The following CCDC7 variants were observed in gnomAD, a reference collection of about 807,000 sequenced individuals.
CCDC7 encodes the protein coiled-coil domain containing 7.
CCDC7 carries 183 observed loss-of-function variants against 196.9 expected under a neutral mutation model. That is an observed-to-expected ratio of 0.93 (90% CI 0.82 to 1.05). CCDC7 has a LOEUF of 1.05. Among genes scored for constraint, CCDC7 ranks in the 50% least tolerant of loss-of-function variants. CCDC7 has a pLI of 0.00. For missense variants in CCDC7, 1,540 were observed against 1,482.2 expected, an observed-to-expected ratio of 1.04 and a Z score of -0.64; for synonymous variants, 525 against 484.6, an observed-to-expected ratio of 1.08 and a Z score of -1.10.
intron 3 of CCDC7, among the ~76,000 whole-genome samples, chr10:32,461,860 C>T (rs2035824007): frequency 6.6e-6 from 1 of 150,940 alleles, no homozygotes; most frequent in African/African-American, 2.4e-5. Flanking sequence ...CAACCTCCGC[C>T]TCCCGGGTTC....
chr10:32,779,128 G>T, intron 29 of CCDC7, 44 bp downstream of exon 30: 1 of 1,359,430 alleles, frequency 7.4e-7, no homozygotes, highest in Non-Finnish European at 1.0e-6. Context: ...CACAATCTAA[G>T]AATTAAAATA....
chr10:32,585,352 C>T (rs919653117), intron 18 of CCDC7, among the ~76,000 whole-genome samples: 7 of 152,258 alleles, frequency 4.6e-5, no homozygotes, highest in South Asian at 4.2e-4. Flanking sequence ...GGATTACAGG[C>T]GTGAGCCACC....
chr10:32,759,778 A>G (rs1257059476), intron 28 of CCDC7, among the ~76,000 whole-genome samples: 3 of 152,230 alleles, frequency 2.0e-5, no homozygotes, highest in Non-Finnish European at 4.4e-5. Flanking sequence ...TCTGCACAGC[A>G]AAAGAAACTA....
chr10:32,847,837 T>C, exon 38 of CCDC7: 1 of 1,603,104 alleles, frequency 6.2e-7, no homozygotes, highest in Non-Finnish European at 8.5e-7. Flanking sequence ...CTATAGAGAC[T>C]GATGTAGAAC....
At chr10:32,815,864 G>A (rs967834091) in intron 31 of CCDC7, among the ~76,000 whole-genome samples, 24 of 152,292 alleles carry the variant, frequency 1.6e-4, no homozygotes, top group African/African-American at 3.1e-4. Context: ...CTGAAAGAGC[G>A]GTGGAGCCAA....
intron 20 of CCDC7, among the ~76,000 whole-genome samples, chr10:32,635,971 C>T (rs2065567342): frequency 6.6e-6 from 1 of 152,040 alleles, no homozygotes; most frequent in Non-Finnish European, 1.5e-5. Context: ...TGCCCTATTA[C>T]TTAATATCAT....
intron 28 of CCDC7, among the ~76,000 whole-genome samples, chr10:32,739,627 C>T (rs1399611551): frequency 2.0e-5 from 3 of 151,324 alleles, no homozygotes; most frequent in Admixed American, 2.0e-4. Context: ...GTTTGATGCT[C>T]ATGCTTAAAC....
At chr10:32,715,251 CA>C (rs992729274) in intron 25 of CCDC7, among the ~76,000 whole-genome samples, 13 of 152,204 alleles carry the variant, frequency 8.5e-5, no homozygotes, top group African/African-American at 2.9e-4. Flanking sequence ...GATACCCAGG[CA>C]AACAGGGTAT....
At chr10:32,514,193 G>T (rs1447845375) in intron 9 of CCDC7, 2 of 152,092 alleles carry the variant, frequency 1.3e-5, no homozygotes, top group Non-Finnish European at 2.9e-5. Context: ...AGCTGTTATG[G>T]GTTGAATTGT....
At chr10:32,453,007 A>C (rs772370289) in intron 1 of CCDC7, among the ~76,000 whole-genome samples, 21 of 152,174 alleles carry the variant, frequency 1.4e-4, no homozygotes, top group Non-Finnish European at 2.6e-4. Context: ...AACTCTCTTC[A>C]GAGGAGAAAG....
At chr10:32,590,266 C>A (rs117817425) in intron 18 of CCDC7, among the ~76,000 whole-genome samples, 13,020 of 151,982 alleles carry the variant, frequency 0.086, 875 homozygotes, top group South Asian at 0.25. Context: ...ATGAGGCTTG[C>A]AAATCATATA....
At chr10:32,864,319 A>C (rs1412777275) in intron 41 of CCDC7, among the ~76,000 whole-genome samples, 1 of 151,746 alleles carries the variant, frequency 6.6e-6, no homozygotes, top group East Asian at 1.9e-4. Context: ...CTTTTTCAAA[A>C]CCGTAAAAAT....
intron 16 of CCDC7, among the ~76,000 whole-genome samples, chr10:32,574,728 A>C (rs887603234): frequency 1.3e-5 from 2 of 152,144 alleles, no homozygotes; most frequent in African/African-American, 4.8e-5. Context: ...ATGTGAACTA[A>C]TTCATGGTGT....
chr10:32,760,224 A>G (rs2133820925), intron 28 of CCDC7, among the ~76,000 whole-genome samples: 1 of 152,158 alleles, frequency 6.6e-6, no homozygotes, highest in African/African-American at 2.4e-5. Flanking sequence ...ATACCATTTG[A>G]CCCAGCCATC....
At chr10:32,585,117 A>G (rs1242075002) in intron 18 of CCDC7, among the ~76,000 whole-genome samples, 1 of 150,924 alleles carries the variant, frequency 6.6e-6, no homozygotes, top group African/African-American at 2.4e-5. Context: ...TCTGTCGCCC[A>G]GGCTGTAGTG....
chr10:32,496,665 T>C (rs1306962311), intron 9 of CCDC7, among the ~76,000 whole-genome samples: 1 of 152,222 alleles, frequency 6.6e-6, no homozygotes, highest in Non-Finnish European at 1.5e-5. Context: ...GTTTTTGTCA[T>C]TGGTTCTGTT....
At chr10:32,476,521 CTT>C (rs998688913) in intron 8 of CCDC7, among the ~76,000 whole-genome samples, 2 of 152,158 alleles carry the variant, frequency 1.3e-5, no homozygotes, top group Non-Finnish European at 2.9e-5. Flanking sequence ...ACTATCAACA[CTT>C]TTGTTCAGGT....
chr10:32,456,255 G>T, exon 3 of CCDC7: 2 of 1,544,608 alleles, frequency 1.3e-6, no homozygotes, highest in Non-Finnish European at 1.8e-6. Context: ...CAAAAGGTTG[G>T]GGATGATATG....
At chr10:32,555,003 C>A (rs1423888276) in intron 13 of CCDC7, among the ~76,000 whole-genome samples, 1 of 152,166 alleles carries the variant, frequency 6.6e-6, no homozygotes. Context: ...GTAGTGACCT[C>A]CAGTTGCAAA....
Sources: allele counts gnomAD v4.1 joint callset (sites outside exome capture counted in the v4.1 genomes callset), GRCh38; gene constraint gnomAD v4.1.1; transcripts MANE v1.5; gene names NCBI Gene and HGNC (gene_info 2026-07-23, HGNC 2026-07-21).